Variants in TRRAP observed in about 807,000 individuals in gnomAD.
TRRAP encodes the protein transformation/transcription domain-associated protein.
TRRAP carries 41 observed loss-of-function variants against 438.8 expected under a neutral mutation model. The observed-to-expected ratio is 0.09, with a 90% CI of 0.07 to 0.12. The LOEUF (loss-of-function observed/expected upper bound fraction) is 0.12, where lower values mean the gene tolerates loss of function less well. TRRAP is among the 10% of genes least tolerant of loss of function. The pLI is 1.00. For synonymous variants in TRRAP, 1,994 were observed against 1,962.9 expected, an observed-to-expected ratio of 1.02 and a Z score of -0.42; for missense variants, 3,122 against 5,055.1, an observed-to-expected ratio of 0.62 and a Z score of 11.60.
At chr7:98,901,384 C>G (rs1554406662) in intron 11 of TRRAP, among the ~76,000 whole-genome samples, 1 of 152,218 alleles carries the variant, frequency 6.6e-6, no homozygotes, top group African/African-American at 2.4e-5. Context: ...TGTCCAGATA[C>G]AGTCACATAT....
Position 98,933,326 on chromosome 7 carries a change from C to T in TRRAP, c.3938C>T (p.Thr1313Met), listed in dbSNP as rs782175775. 8.7e-6 allele frequency: 14 copies of T among 1,614,028 alleles called. No homozygotes were observed. The highest frequency in any genetic ancestry group is 4.4e-5 in the South Asian group (4 of 91,088). The change falls in exon 27 of 73, where the codon ACG becomes ATG. Residue 1313 changes from threonine to methionine, a missense_variant. By Grantham distance (81) the Thr-to-Met change is moderately conservative. Coordinates refer to ENST00000456197, the MANE Select transcript of TRRAP (RefSeq NM_001375524.1). ...CAGATTGGCCTGATGGAGGGGAACA[C>T]GTTCTGTACCACGTTGCAGCCCAGG... ...NAQIGLMEGN[T>M]FCTTLQPRLF...
chr7:98,879,141 G>A (rs111778804), intron 1 of TRRAP, among the ~76,000 whole-genome samples: 16 of 152,280 alleles, frequency 1.1e-4, no homozygotes, highest in African/African-American at 3.6e-4. Context: ...GGGCTTGGCG[G>A]GGTCTGGGGG....
chr7:98,914,150 T>G (rs1789410174), intron 18 of TRRAP, among the ~76,000 whole-genome samples: 1 of 152,124 alleles, frequency 6.6e-6, no homozygotes, highest in Admixed American at 6.6e-5. Context: ...ATTCTAGCAC[T>G]TCCGGAGGCT....
At chr7:98,964,846 T>C in intron 48 of TRRAP, 71 bp downstream of exon 48, 1 of 1,508,300 alleles carries the variant, frequency 6.6e-7, no homozygotes, top group Non-Finnish European at 8.9e-7. Flanking sequence ...TTGTGCAGGC[T>C]GGGGCTGAAC....
chr7:98,999,115 A>G (rs73161948), intron 67 of TRRAP: 52,685 of 1,524,466 alleles, frequency 0.035, 1,043 homozygotes, highest in South Asian at 0.055. Context: ...AGGAGTGGCC[A>G]CCGAAGGGCA....
chr7:98,909,018 A>C (rs1373623107), intron 14 of TRRAP, 56 bp downstream of exon 14: 2 of 1,419,800 alleles, frequency 1.4e-6, no homozygotes, highest in African/African-American at 1.5e-5. Flanking sequence ...TTTGTGGCTA[A>C]ATTTTTTTTT....
chr7:98,915,668 G>T (rs1042718222), intron 18 of TRRAP, 55 bp from the exon 19 acceptor site: 2 of 1,574,598 alleles, frequency 1.3e-6, no homozygotes, highest in African/African-American at 2.7e-5. Context: ...GAGTCTGGAG[G>T]GTATAGACCC....
chr7:98,920,565 TAC>T (rs1185061753), intron 20 of TRRAP, among the ~76,000 whole-genome samples: 31 of 152,194 alleles, frequency 2.0e-4, no homozygotes, highest in Non-Finnish European at 3.7e-4. Flanking sequence ...GGGGGAAATT[TAC>T]AGTTTTTTGC....
At chr7:98,983,956 G>A in intron 60 of TRRAP, 137 bp from the exon 61 acceptor site, 1 of 1,138,780 alleles carries the variant, frequency 8.8e-7, no homozygotes, top group African/African-American at 1.6e-5. Context: ...AAAATACAAA[G>A]TAACGAGGGT....
chr7:99,003,485 G>A (rs1315495680), intron 67 of TRRAP, among the ~76,000 whole-genome samples: 1 of 152,116 alleles, frequency 6.6e-6, no homozygotes, highest in African/African-American at 2.4e-5. Context: ...GTTGGATGCT[G>A]GTCTTCAGGC....
intron 21 of TRRAP, among the ~76,000 whole-genome samples, chr7:98,924,514 C>T (rs1472010867): frequency 1.3e-5 from 2 of 152,000 alleles, no homozygotes; most frequent in South Asian, 2.1e-4. Flanking sequence ...AGTGAAACCC[C>T]GTCTCTACTA....
Position 98,927,379 on chromosome 7 carries a change from G to T in TRRAP, c.3175+13G>T. ...GCCCAGCAGTGTGGTGAGCACGGGG[G>T]CACGGTGGGGCACGGGATTGGTTCT... On this transcript the variant is annotated intron_variant, in intron 23 of 72. Transcript: ENST00000456197. 1 of 1,613,442 alleles carries T rather than the reference G, an allele frequency of 6.2e-7. No individual in the cohort carries two copies. The highest frequency in any genetic ancestry group is 8.5e-7 in the Non-Finnish European group (1 of 1,179,752).
intron 12 of TRRAP, among the ~76,000 whole-genome samples, chr7:98,905,968 C>A (rs1230172657): frequency 6.6e-6 from 1 of 152,190 alleles, no homozygotes; most frequent in African/African-American, 2.4e-5. Context: ...CTGACTGCAT[C>A]TTTGACAGCA....
chr7:98,949,369 G>GT (rs1791227644), intron 35 of TRRAP, 48 bp from the exon 36 acceptor site: 3 of 1,443,442 alleles, frequency 2.1e-6, no homozygotes, highest in Non-Finnish European at 2.7e-6. Context: ...CTAACTTTCT[G>GT]TGAGTTTGAT....
intron 59 of TRRAP, among the ~76,000 whole-genome samples, chr7:98,982,422 A>G (rs544192156): frequency 7.9e-5 from 12 of 152,350 alleles, no homozygotes; most frequent in Admixed American, 6.5e-4. Context: ...GTATTGAACT[A>G]AGTGTTATGT....
intron 3 of TRRAP, among the ~76,000 whole-genome samples, chr7:98,889,619 C>T (rs1179098305): frequency 6.7e-6 from 1 of 149,958 alleles, no homozygotes; most frequent in Non-Finnish European, 1.5e-5. Flanking sequence ...ATCATCATAG[C>T]TCACTGCTGC....
intron 12 of TRRAP, among the ~76,000 whole-genome samples, chr7:98,905,207 G>C (rs1736673535): frequency 6.6e-6 from 1 of 152,098 alleles, no homozygotes; most frequent in Non-Finnish European, 1.5e-5. Context: ...TGCCTGGCCT[G>C]TTGCATCCTC....
intron 48 of TRRAP, among the ~76,000 whole-genome samples, chr7:98,965,229 T>C (rs1444432423): frequency 6.6e-6 from 1 of 152,276 alleles, no homozygotes; most frequent in East Asian, 1.9e-4. Context: ...AGATGCTGCA[T>C]TCACCACTGA....
rs1249753712 is a variant in TRRAP at position 98,912,149 on chromosome 7, A to G, written c.2135A>G (p.Lys712Arg). 2.5e-6 allele frequency: 4 copies of G among 1,614,046 alleles called. No homozygotes were observed. The highest frequency in any genetic ancestry group is 1.3e-5 in the African/African-American group (1 of 74,916). Residue 712 changes from lysine to arginine, a missense_variant, in exon 18 of 73, where the codon AAG (lysine) becomes AGG (arginine). This residue lies in a region of TRRAP where 149 missense variants were observed against 302.8 expected (regional missense o/e 0.49). Transcript: ENST00000456197. ...SNVELSNLYL[K>R]LFKLVFGSVS... is the part of the protein sequence containing the mutation. ...GTGGAGCTCTCCAACCTGTACCTCA[A>G]GCTGTTCAAGCTGGTCTTTGGCTCT...
Sources: gnomAD v4.1 joint callset for allele counts (sites outside exome capture counted in the v4.1 genomes callset) on GRCh38, gnomAD v4.1.1 for gene constraint, gnomAD v4.1.1 regional missense constraint, MANE v1.5 for transcripts, NCBI Gene and HGNC (gene_info 2026-07-23, HGNC 2026-07-21) for gene names.